Variants in HERC6 observed in about 807,000 individuals in gnomAD.
HERC6 encodes the protein HECT and RLD domain containing E3 ubiquitin protein ligase family member 6, also known as probable E3 ubiquitin-protein ligase HERC6.
Under a neutral mutation model 114.5 loss-of-function variants are expected in HERC6, and 101 were observed. The observed-to-expected ratio is 0.88, with a 90% CI of 0.75 to 1.04. The LOEUF is 1.04. Ranked by LOEUF, HERC6 falls within the 50% of genes least tolerant of loss-of-function variation. The pLI is 0.00. For synonymous variants in HERC6, 408 were observed against 436.2 expected (o/e 0.94, Z 0.81); for missense variants, 1,133 against 1,230.9 (o/e 0.92, Z 1.19).
rs1298687353 is a variant in HERC6, at chr4:88,431,259, T to C, written c.2204T>C (p.Met735Thr). 5 of 1,613,096 alleles carry C rather than the reference T, an allele frequency of 3.1e-6. No homozygotes were observed. Among genetic ancestry groups the C allele is most frequent in the African/African-American group, 2.7e-5 (2 of 74,820 alleles). ...GAGATGACCAAGCCAGAATATGGAA[T>C]GTTCATGTATCCTGAAATGGGTTCC... ...FEEMTKPEYG[M>T]FMYPEMGSCM... Residue 735 changes from methionine (M) to threonine (T), a missense_variant, in exon 17 of 23, where the codon ATG becomes ACG. Physicochemically the swap from Met to Thr is moderately conservative, Grantham distance 81. This residue lies in a region of HERC6 where 388 missense variants were observed against 445.9 expected (regional missense o/e 0.87). Coordinates refer to ENST00000264346, the MANE Select transcript of HERC6 (RefSeq NM_017912.4).
chr4:88,405,149 A>C, intron 9 of HERC6, 152 bp downstream of exon 9: 1 of 885,358 alleles, frequency 1.1e-6, no homozygotes, highest in South Asian at 1.7e-5. Flanking sequence ...CTAGGTCATC[A>C]GTGTACTCAT....
chr4:88,436,625 G>A (rs1419562284), intron 18 of HERC6, among the ~76,000 whole-genome samples: 3 of 152,166 alleles, frequency 2.0e-5, no homozygotes, highest in African/African-American at 7.2e-5. Flanking sequence ...ACCCCTAGGG[G>A]ACAAAGTCAT....
At chr4:88,430,683 G>A (rs1032649715) in intron 16 of HERC6, among the ~76,000 whole-genome samples, 1 of 152,154 alleles carries the variant, frequency 6.6e-6, no homozygotes, top group African/African-American at 2.4e-5. Flanking sequence ...TTCCTGCAAA[G>A]GTCTCATGCC....
chr4:88,385,416 T>A, intron 2 of HERC6, 83 bp from the exon 3 acceptor site: 1 of 684,914 alleles, frequency 1.5e-6, no homozygotes, highest in Non-Finnish European at 2.5e-6. Flanking sequence ...ATGTATTATT[T>A]GAGATACTTT....
chr4:88,417,660 A>C, intron 13 of HERC6, 81 bp downstream of exon 13: 3 of 1,192,296 alleles, frequency 2.5e-6, no homozygotes, highest in Non-Finnish European at 3.5e-6. Flanking sequence ...GACTTCTAAG[A>C]AGTCAAATAA....
intron 2 of HERC6, among the ~76,000 whole-genome samples, chr4:88,384,262 C>T (rs894192555): frequency 6.6e-6 from 1 of 152,158 alleles, no homozygotes; most frequent in Non-Finnish European, 1.5e-5. Context: ...GGATATTCTG[C>T]AATAGCGAGC....
intron 10 of HERC6, among the ~76,000 whole-genome samples, chr4:88,406,425 C>A (rs1735817773): frequency 6.6e-6 from 1 of 152,202 alleles, no homozygotes. Flanking sequence ...TCTTGGCAGT[C>A]CCATTAGTTC....
chr4:88,429,347 C>CAT (rs1737956087), intron 16 of HERC6, among the ~76,000 whole-genome samples: 1 of 152,294 alleles, frequency 6.6e-6, no homozygotes, highest in African/African-American at 2.4e-5. Context: ...ACTGCAAAGT[C>CAT]ATATGCAAAA....
At chr4:88,430,640 C>T (rs1578423331) in intron 16 of HERC6, among the ~76,000 whole-genome samples, 1 of 151,960 alleles carries the variant, frequency 6.6e-6, no homozygotes, top group South Asian at 2.1e-4. Flanking sequence ...GCTGATTTCT[C>T]ATTTGAGAGC....
intron 20 of HERC6, among the ~76,000 whole-genome samples, chr4:88,438,913 T>C (rs1032730954): frequency 6.6e-6 from 1 of 152,054 alleles, no homozygotes; most frequent in African/African-American, 2.4e-5. Flanking sequence ...CTGCCCAAAG[T>C]GTGGGAGACA....
At chr4:88,421,686 T>C (rs976650110) in intron 13 of HERC6, among the ~76,000 whole-genome samples, 8 of 152,144 alleles carry the variant, frequency 5.3e-5, no homozygotes, top group Non-Finnish European at 1.0e-4. Flanking sequence ...CCTCAAGTAA[T>C]CCACCCACCT....
intron 13 of HERC6, among the ~76,000 whole-genome samples, chr4:88,422,643 G>A (rs1376588811): frequency 6.6e-6 from 1 of 152,052 alleles, no homozygotes; most frequent in Non-Finnish European, 1.5e-5. Flanking sequence ...CTGATATTTT[G>A]CTTATCATAT....
intron 15 of HERC6, among the ~76,000 whole-genome samples, chr4:88,425,321 G>A (rs1737487448): frequency 2.0e-5 from 3 of 152,186 alleles, no homozygotes; most frequent in Admixed American, 2.0e-4. Context: ...ATTTTGATGA[G>A]TTAATCATGA....
chr4:88,413,988 A>G (rs1353274732), intron 12 of HERC6, among the ~76,000 whole-genome samples: 2 of 152,158 alleles, frequency 1.3e-5, no homozygotes, highest in East Asian at 3.8e-4. Flanking sequence ...TGTGACAGAT[A>G]ATGTAATTTC....
In HERC6 at chr4:88,404,894, G is replaced by C. The variant is rs575702400; in HGVS notation, c.1111G>C (p.Ala371Pro). The change falls in exon 9 of 23, where the codon GCT (alanine) becomes CCT (proline). Residue 371 changes from alanine (A) to proline (P), a missense_variant. Physicochemically the swap from Ala to Pro is conservative, Grantham distance 27. Around this residue, in one of 3 missense-constraint regions of HERC6, gnomAD observed 735 missense variants for 754.0 expected, o/e 0.97. Transcript: ENST00000264346. The part of the protein sequence containing the change: ...TTHQDTSSTR[A>P]PGKTLPEISR... ...CCTGAAGGATACTAGTTCCACACGT[G>C]CTCCCGGGAAAACCCTGCCAGAAAT... 1 of 1,613,484 alleles carries C rather than the reference G, an allele frequency of 6.2e-7. No homozygotes were observed. Among genetic ancestry groups the C allele is most frequent in the African/African-American group, 1.3e-5 (1 of 74,888 alleles).
In HERC6 at chr4:88,390,603, T is replaced by G. The variant is rs367551116; in HGVS notation, c.437-49T>G. 71 of 1,431,298 alleles carry G rather than the reference T, an allele frequency of 5.0e-5. No individual in the cohort carries two copies. In the African/African-American group the frequency reaches 1.0e-3, roughly 20 times the overall value. 88.7% of individuals were successfully genotyped at this position (1,431,298 alleles called of 1,614,324 possible). A position where few individuals can be genotyped will look rare whatever the true frequency, so the allele number is the denominator to read the frequency against. On this transcript the variant is annotated intron_variant, in intron 3 of 22. Coordinates refer to ENST00000264346, the MANE Select transcript of HERC6 (RefSeq NM_017912.4). ...TAGAATTAGTAGTTTCTATTTGAATTTGGTATTCTAATATGTGTACAATTC... is the reference window on the plus strand; with the variant it reads ...TAGAATTAGTAGTTTCTATTTGAATGTGGTATTCTAATATGTGTACAATTC...
intron 11 of HERC6, among the ~76,000 whole-genome samples, chr4:88,412,758 T>C (rs945380692): frequency 6.6e-6 from 1 of 152,230 alleles, no homozygotes; most frequent in Admixed American, 6.5e-5. Flanking sequence ...TAATGTGACC[T>C]GCATACAACA....
chr4:88,432,741 T>C (rs1271916343), intron 17 of HERC6, among the ~76,000 whole-genome samples: 1 of 150,742 alleles, frequency 6.6e-6, no homozygotes, highest in Non-Finnish European at 1.5e-5. Flanking sequence ...AAATAAAAGG[T>C]GCTTAAAAAG....
rs1734073423 is a variant in HERC6, at chr4:88,379,702, A to AATATGTAATATATAAAT, written c.199+586_199+587insGTAATATATAAATATAT. ...AATATATACAAATATATAATATATA[A>AATATGTAATATATAAAT]ATATATAATATATAAATATATATAA... On this transcript the variant is annotated intron_variant, in intron 1 of 22. Transcript: ENST00000264346. Among the ~76,000 whole-genome samples, 2 of 108,650 alleles carry AATATGTAATATATAAAT rather than the reference A, an allele frequency of 1.8e-5. 1 individual carries two copies. The highest frequency in any genetic ancestry group is 8.0e-5 in the African/African-American group (2 of 25,094). 71.3% of individuals were successfully genotyped at this position (108,650 alleles called of 152,430 possible).
Sources: gnomAD v4.1 joint callset for allele counts (sites outside exome capture counted in the v4.1 genomes callset) on GRCh38, gnomAD v4.1.1 for gene constraint, gnomAD v4.1.1 regional missense constraint, MANE v1.5 for transcripts, NCBI Gene and HGNC (gene_info 2026-07-23, HGNC 2026-07-21) for gene names.